The following UBE2G2 variants were observed in gnomAD, a reference collection of about 807,000 sequenced individuals.
The protein encoded by UBE2G2 is ubiquitin-conjugating enzyme E2 G2.
UBE2G2 carries 10 observed loss-of-function variants against 23.0 expected under a neutral mutation model. The observed-to-expected ratio is 0.43, with a 90% CI of 0.27 to 0.74. UBE2G2 has a LOEUF of 0.74. Ranked by LOEUF, UBE2G2 falls within the 30% of genes least tolerant of loss-of-function variation. The pLI, the probability that UBE2G2 is intolerant of heterozygous loss-of-function variation, is 0.19. For missense variants in UBE2G2, 150 were observed against 218.3 expected (o/e 0.69, Z 1.97); for synonymous variants, 86 against 81.3 (o/e 1.06, Z -0.31).
At chr21:44,774,893 C>T (rs1325266229) in intron 4 of UBE2G2, 2 of 368,826 alleles carry the variant, frequency 5.4e-6, no homozygotes, top group East Asian at 7.9e-5. Flanking sequence ...CCAGCAGTGC[C>T]ATGTCCTAAA....
At chr21:44,793,133 A>T (rs1397758541) in intron 1 of UBE2G2, among the ~76,000 whole-genome samples, 1 of 152,214 alleles carries the variant, frequency 6.6e-6, no homozygotes, top group Non-Finnish European at 1.5e-5. Context: ...CTCAAGCCAA[A>T]CCGCCTAATT....
At chr21:44,793,126 A>C in intron 1 of UBE2G2, among the ~76,000 whole-genome samples, 1 of 152,228 alleles carries the variant, frequency 6.6e-6, no homozygotes, top group Non-Finnish European at 1.5e-5. Context: ...CTTGTGTCTC[A>C]AGCCAAACCG....
intron 4 of UBE2G2, chr21:44,774,245 A>T (rs1189941672): frequency 1.3e-5 from 2 of 154,196 alleles, no homozygotes; most frequent in Non-Finnish European, 1.4e-5. Flanking sequence ...CCTGGAATGT[A>T]GGTCAATGTG....
intron 5 of UBE2G2, among the ~76,000 whole-genome samples, chr21:44,773,300 G>GA (rs1276540408): frequency 1.3e-5 from 2 of 152,146 alleles, no homozygotes; most frequent in African/African-American, 2.4e-5. Context: ...CCTACTGAGG[G>GA]AAAAAGACGA....
At chr21:44,801,438 C>T in intron 1 of UBE2G2, 1 of 1,216,926 alleles carries the variant, frequency 8.2e-7, no homozygotes, top group Non-Finnish European at 1.0e-6. Flanking sequence ...AAAAACAAGC[C>T]CGCAAAGACT....
intron 3 of UBE2G2, among the ~76,000 whole-genome samples, chr21:44,785,431 T>C (rs1303863490): frequency 1.3e-5 from 2 of 152,240 alleles, no homozygotes; most frequent in Non-Finnish European, 2.9e-5. Context: ...TTTCAGTGCA[T>C]CTTTGACATG....
At chr21:44,789,753 C>T (rs1341549116) in intron 1 of UBE2G2, among the ~76,000 whole-genome samples, 4 of 152,120 alleles carry the variant, frequency 2.6e-5, no homozygotes, top group South Asian at 2.1e-4. Context: ...GTGGTCCAAA[C>T]GCTTGCGTCC....
intron 3 of UBE2G2, among the ~76,000 whole-genome samples, chr21:44,783,317 T>G (rs1305288620): frequency 2.6e-5 from 4 of 152,242 alleles, no homozygotes; most frequent in Non-Finnish European, 4.4e-5. Flanking sequence ...CTGCTGGGAA[T>G]GCAAAATGGT....
intron 1 of UBE2G2, among the ~76,000 whole-genome samples, 184 bp from the exon 2 acceptor site, chr21:44,788,279 G>GTTT (rs1204675481): frequency 5.7e-4 from 69 of 121,760 alleles, no homozygotes; most frequent in Non-Finnish European, 9.1e-4. Flanking sequence ...ACTACACAAA[G>GTTT]TTTTTTTGTT....
At chr21:44,789,820 GGGA>G (rs1199285872) in intron 1 of UBE2G2, among the ~76,000 whole-genome samples, 1 of 152,082 alleles carries the variant, frequency 6.6e-6, no homozygotes, top group Non-Finnish European at 1.5e-5. Context: ...TGGGACCTTT[GGGA>G]GGAGATTAGG....
intron 1 of UBE2G2, among the ~76,000 whole-genome samples, chr21:44,797,223 T>C (rs1416223708): frequency 3.9e-5 from 6 of 152,176 alleles, no homozygotes; most frequent in Non-Finnish European, 7.4e-5. Context: ...TCAACCATTA[T>C]TTAGGTCTTA....
chr21:44,773,305 AGACGATCAAG>A (rs1555960152), intron 5 of UBE2G2, among the ~76,000 whole-genome samples: 1 of 152,208 alleles, frequency 6.6e-6, no homozygotes, highest in East Asian at 1.9e-4. Context: ...TGAGGGAAAA[AGACGATCAAG>A]GACCAGAGAC....
intron 4 of UBE2G2, among the ~76,000 whole-genome samples, chr21:44,776,575 C>T (rs570830414): frequency 6.6e-6 from 1 of 152,216 alleles, no homozygotes; most frequent in African/African-American, 2.4e-5. Flanking sequence ...GTGTCCCCAC[C>T]CAAATCTCAT....
rs1378918463 is a variant in UBE2G2, at chr21:44,770,312, A to T, written c.*1065T>A. On this transcript the variant is annotated 3_prime_UTR_variant, in exon 6 of 6. Coordinates refer to ENST00000345496, the MANE Select transcript of UBE2G2 (RefSeq NM_003343.6). ...AGAAACTTTCATTGAAACTTTAAAG[A>T]CCTCACCTGCACCTGCTCTAGTAAT... 4 of 152,210 alleles carry T rather than the reference A, an allele frequency of 2.6e-5. No homozygotes were observed. Among genetic ancestry groups the T allele is most frequent in the Admixed American group, 2.6e-4 (4 of 15,286 alleles). 9.4% of individuals were successfully genotyped at this position (152,210 alleles called of 1,614,324 possible). A position where few individuals can be genotyped will look rare whatever the true frequency, so the allele number is the denominator to read the frequency against.
At chr21:44,774,430 A>C (rs2082898437) in intron 4 of UBE2G2, 1 of 229,002 alleles carries the variant, frequency 4.4e-6, no homozygotes. Flanking sequence ...ATCTAGATAG[A>C]CTCAACTGTA....
chr21:44,769,408 T>G lies in UBE2G2; in HGVS notation c.*1969A>C, dbSNP rs2082854335. The stretch of plus-strand genomic sequence containing the variant: ...TTTTTTTTTTTTTTTTGAGACAGAG[T>G]CTCACTCTGTTGCCCAGGCTGGAGT... On this transcript the variant is annotated 3_prime_UTR_variant, in exon 6 of 6. Coordinates refer to ENST00000345496, the MANE Select transcript of UBE2G2 (RefSeq NM_003343.6). 1 of 133,670 alleles carries G rather than the reference T, an allele frequency of 7.5e-6. No homozygotes were observed. The highest frequency in any genetic ancestry group is 1.6e-5 in the Non-Finnish European group (1 of 64,494). 8.3% of individuals were successfully genotyped at this position (133,670 alleles called of 1,614,324 possible). A position where few individuals can be genotyped will look rare whatever the true frequency, so the allele number is the denominator to read the frequency against.
intron 1 of UBE2G2, chr21:44,801,291 AG>A (rs1448618501): frequency 2.0e-6 from 2 of 1,016,312 alleles, no homozygotes; most frequent in Admixed American, 1.2e-4. Flanking sequence ...GACCTTTCAA[AG>A]CTCCACCAAC....
rs901009387 is a variant in UBE2G2, at chr21:44,770,246, T to C, written c.*1131A>G. 6.6e-6 allele frequency: 1 copy of C among 152,132 alleles called. No individual in the cohort carries two copies. The highest frequency in any genetic ancestry group is 2.4e-5 in the African/African-American group (1 of 41,412). 9.4% of individuals were successfully genotyped at this position (152,132 alleles called of 1,614,324 possible). On this transcript the variant is annotated 3_prime_UTR_variant, in exon 6 of 6. Transcript: ENST00000345496. The stretch of plus-strand genomic sequence containing the variant: ...TGTACAAAAACCCTAGAATTTCCAG[T>C]TTTTAGATTGAAAAAAAAAAATTTT...
intron 1 of UBE2G2, among the ~76,000 whole-genome samples, chr21:44,791,210 A>G (rs1555962908): frequency 6.6e-6 from 1 of 152,226 alleles, no homozygotes; most frequent in Non-Finnish European, 1.5e-5. Context: ...GCAATAAAAA[A>G]GAAAAACCCA....
Sources: allele counts gnomAD v4.1 joint callset (sites outside exome capture counted in the v4.1 genomes callset), GRCh38; gene constraint gnomAD v4.1.1; transcripts MANE v1.5; gene names NCBI Gene and HGNC (gene_info 2026-07-23, HGNC 2026-07-21).